Variants in POC1B observed in about 807,000 individuals in gnomAD.
POC1B encodes POC1 centriolar protein B.
Under a neutral mutation model 60.6 loss-of-function variants are expected in POC1B, and 44 were observed. The observed-to-expected ratio is 0.73, with a 90% confidence interval of 0.57 to 0.93. The LOEUF is 0.93. POC1B is among the 40% of genes least tolerant of loss of function. The pLI is 0.00. For missense variants in POC1B, 555 were observed against 572.3 expected (o/e 0.97, Z 0.31); for synonymous variants, 180 against 198.9 (o/e 0.90, Z 0.80).
chr12:89,410,140 G>A, the POC1B span, among the ~76,000 whole-genome samples: 1 of 152,160 alleles, frequency 6.6e-6, no homozygotes, highest in Non-Finnish European at 1.5e-5. Context: ...GGGATGCAAG[G>A]CTGGCTCAAC....
intron 10 of POC1B, among the ~76,000 whole-genome samples, chr12:89,440,683 C>A (rs1310143216): frequency 2.6e-5 from 4 of 152,218 alleles, no homozygotes; most frequent in Non-Finnish European, 5.9e-5. Flanking sequence ...GGAACAGCTC[C>A]AGTCTACAGC....
intron 4 of POC1B, among the ~76,000 whole-genome samples, chr12:89,483,517 G>A (rs1310351695): frequency 6.6e-6 from 1 of 152,028 alleles, no homozygotes; most frequent in Non-Finnish European, 1.5e-5. Flanking sequence ...TCTCTCTGGG[G>A]CTTCTTTTAT....
At position 89,472,983 on chromosome 12, in the gene POC1B, T is replaced by C. The variant is rs144736696; in HGVS notation, c.453-708A>G. On this transcript the variant is annotated intron_variant, in intron 4 of 11. Transcript: ENST00000313546. ...CCTTTAATATCCTTCCCAAGGTTCT[T>C]TTTTTATTGTTTGGCCACAATGCCT... is the stretch of plus-strand genomic sequence containing the variant. Among the ~76,000 whole-genome samples, 196 of 152,328 alleles carry C rather than the reference T, an allele frequency of 1.3e-3. 1 individual carries two copies. The highest frequency in any genetic ancestry group is 4.4e-3 in the African/African-American group (182 of 41,564).
intron 4 of POC1B, among the ~76,000 whole-genome samples, chr12:89,478,666 G>C (rs1369413287): frequency 1.3e-5 from 2 of 152,108 alleles, no homozygotes; most frequent in Non-Finnish European, 2.9e-5. Context: ...ACAACAATGT[G>C]AATATACCTA....
chr12:89,494,401 A>C (rs1224722065), intron 3 of POC1B, among the ~76,000 whole-genome samples: 1 of 152,038 alleles, frequency 6.6e-6, no homozygotes, highest in Non-Finnish European at 1.5e-5. Context: ...GTCTATCTGC[A>C]AATATGGCTG....
At chr12:89,486,817 C>T (rs1191048017) in intron 4 of POC1B, among the ~76,000 whole-genome samples, 2 of 152,144 alleles carry the variant, frequency 1.3e-5, no homozygotes, top group Non-Finnish European at 2.9e-5. Context: ...TCCAGTATCA[C>T]TTCCTATGGA....
intron 9 of POC1B, among the ~76,000 whole-genome samples, chr12:89,464,046 C>G (rs1204913768): frequency 6.6e-6 from 1 of 152,102 alleles, no homozygotes; most frequent in Non-Finnish European, 1.5e-5. Flanking sequence ...AAATAAAACA[C>G]TCATGGTCAC....
downstream of POC1B, among the ~76,000 whole-genome samples, chr12:89,419,451 G>A (rs1179698024): frequency 2.6e-5 from 4 of 152,130 alleles, no homozygotes; most frequent in African/African-American, 9.7e-5. Flanking sequence ...AAAACTATGT[G>A]GCAACATCAG....
intron 10 of POC1B, chr12:89,427,764 C>T (rs902756141): frequency 4.6e-5 from 7 of 152,152 alleles, no homozygotes; most frequent in Non-Finnish European, 7.3e-5. Context: ...AGTATCACTT[C>T]GAGTTACTCA....
At chr12:89,424,182 C>A (rs1880656083) in intron 11 of POC1B, among the ~76,000 whole-genome samples, 1 of 152,142 alleles carries the variant, frequency 6.6e-6, no homozygotes, top group Non-Finnish European at 1.5e-5. Flanking sequence ...GTGATAACTA[C>A]AGGATAAAAA....
At chr12:89,435,982 G>A (rs1402290110) in intron 10 of POC1B, among the ~76,000 whole-genome samples, 1 of 148,186 alleles carries the variant, frequency 6.7e-6, no homozygotes, top group East Asian at 2.0e-4. Flanking sequence ...ATCTCACTAT[G>A]TCGCCAGGCT....
At chr12:89,432,051 G>A (rs1480599807) in intron 10 of POC1B, among the ~76,000 whole-genome samples, 4 of 151,778 alleles carry the variant, frequency 2.6e-5, no homozygotes, top group Admixed American at 2.6e-4. Context: ...GATTATATGG[G>A]GCCCGGTCAG....
downstream of POC1B, among the ~76,000 whole-genome samples, chr12:89,417,143 A>G (rs1057388015): frequency 3.9e-5 from 6 of 152,242 alleles, no homozygotes; most frequent in African/African-American, 1.4e-4. Flanking sequence ...CAAGATTAAA[A>G]TAAGAAATAA....
At chr12:89,436,531 T>C (rs1881273762) in intron 10 of POC1B, among the ~76,000 whole-genome samples, 1 of 152,086 alleles carries the variant, frequency 6.6e-6, no homozygotes. Flanking sequence ...CTGGCCAACA[T>C]GGCAAAACCC....
the POC1B span, among the ~76,000 whole-genome samples, chr12:89,404,562 C>G: frequency 2.0e-5 from 3 of 152,108 alleles, no homozygotes; most frequent in Non-Finnish European, 4.4e-5. Context: ...AGTATAATAA[C>G]CAGCTTACCT....
the POC1B span, among the ~76,000 whole-genome samples, chr12:89,402,011 CATTT>C: frequency 2.6e-5 from 4 of 152,306 alleles, no homozygotes; most frequent in African/African-American, 9.6e-5. Flanking sequence ...GGCCATCATT[CATTT>C]ATCACCCCAA....
Position 89,459,628 on chromosome 12 carries a change from C to T in POC1B, c.1113+10G>A. The stretch of plus-strand genomic sequence containing the variant: ...TAAGTGTCAAAAAAAAAAAAAAAAA[C>T]CCGACTTACTGTGGTAGAATCAAAA... On this transcript the variant is annotated intron_variant, in intron 10 of 11. Transcript: ENST00000313546. The T allele has an allele frequency of 1.7e-6, 2 of 1,153,528 alleles. No homozygotes were observed. Among genetic ancestry groups the T allele is most frequent in the South Asian group, 1.9e-5 (1 of 51,416 alleles). 71.5% of individuals were successfully genotyped at this position (1,153,528 alleles called of 1,614,324 possible).
At chr12:89,513,464 C>A (rs1199502795) in intron 2 of POC1B, among the ~76,000 whole-genome samples, 1 of 152,168 alleles carries the variant, frequency 6.6e-6, no homozygotes, top group East Asian at 1.9e-4. Flanking sequence ...GGGGAAGTAA[C>A]AACTTCAATG....
At chr12:89,481,966 T>G (rs1320669881) in intron 4 of POC1B, among the ~76,000 whole-genome samples, 1 of 152,042 alleles carries the variant, frequency 6.6e-6, no homozygotes, top group African/African-American at 2.4e-5. Flanking sequence ...GAAAGTTAAT[T>G]TCATACCAGA....
Sources: allele counts gnomAD v4.1 joint callset (sites outside exome capture counted in the v4.1 genomes callset), GRCh38; gene constraint gnomAD v4.1.1; transcripts MANE v1.5; gene names NCBI Gene and HGNC (gene_info 2026-07-23, HGNC 2026-07-21).